Variants in ABR observed in about 807,000 individuals in gnomAD.
The protein encoded by ABR is ABR activator of RhoGEF and GTPase.
In ABR, 35 loss-of-function variants were observed where a neutral mutation model predicts 107.2. The observed-to-expected ratio is 0.33, with a 90% CI of 0.25 to 0.43. The LOEUF (loss-of-function observed/expected upper bound fraction) is 0.43, where lower values mean the gene tolerates loss of function less well. ABR is among the 20% of genes least tolerant of loss of function. ABR has a pLI of 1.00. For missense variants in ABR, 815 were observed against 1,115.2 expected (o/e 0.73, Z 3.83); for synonymous variants, 498 against 462.0 (o/e 1.08, Z -1.00).
intron 2 of ABR, among the ~76,000 whole-genome samples, chr17:1,115,596 G>A (rs2038946017): frequency 1.3e-5 from 2 of 152,216 alleles, no homozygotes; most frequent in African/African-American, 4.8e-5. Context: ...TCTAGTACAG[G>A]TCACTCCAAA....
chr17:1,103,960 G>A (rs2038079667), intron 2 of ABR, among the ~76,000 whole-genome samples: 1 of 152,112 alleles, frequency 6.6e-6, no homozygotes, highest in Admixed American at 6.6e-5. Flanking sequence ...TCTTTGCAGG[G>A]CGTCTCTTGT....
intron 1 of ABR, among the ~76,000 whole-genome samples, chr17:1,155,472 T>C (rs1054409347): frequency 1.3e-5 from 2 of 152,094 alleles, no homozygotes; most frequent in African/African-American, 4.8e-5. Flanking sequence ...TGGGGGTAGA[T>C]CTTCATGGTC....
upstream of ABR, among the ~76,000 whole-genome samples, chr17:1,183,141 C>T (rs113861699): frequency 0.025 from 3,775 of 152,244 alleles, 177 homozygotes; most frequent in African/African-American, 0.085. Context: ...GTCAGAGGAG[C>T]GGGGAGCTGT....
At chr17:1,019,128 T>G (rs2071427357) in intron 16 of ABR, among the ~76,000 whole-genome samples, 2 of 152,102 alleles carry the variant, frequency 1.3e-5, no homozygotes, top group Non-Finnish European at 2.9e-5. Flanking sequence ...AGTACAGCCC[T>G]CCCGCTGCCT....
intron 1 of ABR, among the ~76,000 whole-genome samples, chr17:1,156,956 G>A (rs1226226959): frequency 1.3e-5 from 2 of 152,196 alleles, no homozygotes; most frequent in African/African-American, 2.4e-5. Context: ...TGTGTCCAGG[G>A]ATACCAGCAA....
intron 2 of ABR, among the ~76,000 whole-genome samples, chr17:1,122,709 T>C (rs780345985): frequency 3.9e-5 from 6 of 152,328 alleles, no homozygotes; most frequent in Non-Finnish European, 5.9e-5. Flanking sequence ...CCTCTAAGCC[T>C]CCATAATCAC....
upstream of ABR, among the ~76,000 whole-genome samples, chr17:1,184,592 G>A (rs1040328808): frequency 3.0e-4 from 46 of 152,132 alleles, no homozygotes; most frequent in African/African-American, 9.4e-4. Flanking sequence ...GCTTTCTGCC[G>A]AGCGCCCAGC....
At chr17:1,128,242 C>T (rs1403386970) in intron 1 of ABR, among the ~76,000 whole-genome samples, 3 of 152,212 alleles carry the variant, frequency 2.0e-5, no homozygotes, top group East Asian at 1.9e-4. Flanking sequence ...AACCAATCCT[C>T]GGAGAAGGCA....
chr17:1,178,978 AG>A (rs2042018597), intron 1 of ABR, among the ~76,000 whole-genome samples: 1 of 140,494 alleles, frequency 7.1e-6, no homozygotes, highest in Admixed American at 7.1e-5. Context: ...TTTGGGAGCG[AG>A]GGGGTGGAGA....
intron 16 of ABR, among the ~76,000 whole-genome samples, chr17:1,033,441 C>T (rs2072954964): frequency 6.6e-6 from 1 of 152,216 alleles, no homozygotes. Context: ...GCTACGTGTC[C>T]AAGGCCAGGA....
intron 6 of ABR, among the ~76,000 whole-genome samples, chr17:1,075,353 T>C (rs1215860647): frequency 6.6e-6 from 1 of 152,242 alleles, no homozygotes; most frequent in Non-Finnish European, 1.5e-5. Flanking sequence ...GGGTGTCCCA[T>C]AAGACCAGGT....
In ABR at chr17:1,079,163, C is replaced by T. The variant is rs764266660; in HGVS notation, c.700+167G>A. 3.7e-5 allele frequency: 53 copies of T among 1,451,850 alleles called. No individual in the cohort carries two copies. In the East Asian group the frequency reaches 4.0e-4, roughly 11 times the overall value. 89.9% of individuals were successfully genotyped at this position (1,451,850 alleles called of 1,614,324 possible). A position where few individuals can be genotyped will look rare whatever the true frequency, so the allele number is the denominator to read the frequency against. ...CACGAGGCTAGAGTCCTCGCGTGCGCGCACACGCGCACTCAGCTCACACTC... is the reference window on the plus strand; with the variant it reads ...CACGAGGCTAGAGTCCTCGCGTGCGTGCACACGCGCACTCAGCTCACACTC... On this transcript the variant is annotated intron_variant, in intron 6 of 22. Transcript: ENST00000302538.
At chr17:1,152,548 G>A (rs2040842465) in intron 1 of ABR, among the ~76,000 whole-genome samples, 1 of 151,248 alleles carries the variant, frequency 6.6e-6, no homozygotes, top group African/African-American at 2.4e-5. Flanking sequence ...CCGAGATCGC[G>A]CCACTGCACT....
chr17:1,055,079 A>C (rs920059988), intron 14 of ABR, among the ~76,000 whole-genome samples: 3 of 152,170 alleles, frequency 2.0e-5, no homozygotes, highest in Admixed American at 2.0e-4. Context: ...GTAGATAAAA[A>C]GCGCAACCAG....
intron 1 of ABR, among the ~76,000 whole-genome samples, chr17:1,129,463 C>T (rs1164443971): frequency 6.6e-6 from 1 of 151,894 alleles, no homozygotes; most frequent in East Asian, 1.9e-4. Flanking sequence ...ACCCAGGAGG[C>T]GGGGCTTGCA....
rs1470587893 is a variant in ABR, at chr17:1,146,619, C to CA, written c.62-21253_62-21252insT. Among the ~76,000 whole-genome samples the CA allele has an allele frequency of 2.1e-3, 306 of 143,612 alleles. 1 individual carries two copies. Among genetic ancestry groups the CA allele is most frequent in the African/African-American group, 6.5e-3 (247 of 38,036 alleles). 94.2% of individuals were successfully genotyped at this position (143,612 alleles called of 152,430 possible). On this transcript the variant is annotated intron_variant, in intron 1 of 22. Transcript: ENST00000302538. ...ATGCCACCACTGCCACATGACACCA[C>CA]TGCCACCACTGCCACATGCCACCAC... is the stretch of plus-strand genomic sequence containing the variant.
chr17:1,068,619 G>A (rs1042332814), intron 9 of ABR, among the ~76,000 whole-genome samples: 1 of 152,232 alleles, frequency 6.6e-6, no homozygotes, highest in Non-Finnish European at 1.5e-5. Context: ...GTGAATGAAC[G>A]CAGAATGAGC....
At chr17:1,023,343 G>A (rs181976051) in intron 16 of ABR, among the ~76,000 whole-genome samples, 91 of 152,332 alleles carry the variant, frequency 6.0e-4, no homozygotes, top group African/African-American at 2.0e-3. Context: ...CTCCCCCAGC[G>A]GCCTAGGGCT....
At chr17:1,125,448 CG>C (rs1302672421) in intron 1 of ABR, 81 bp from the exon 2 acceptor site, 6 of 1,545,732 alleles carry the variant, frequency 3.9e-6, no homozygotes, top group Admixed American at 1.7e-5. Flanking sequence ...GCGCCGGCGG[CG>C]GCCCCCGGCA....
Sources: allele counts gnomAD v4.1 joint callset (sites outside exome capture counted in the v4.1 genomes callset), GRCh38; gene constraint gnomAD v4.1.1; transcripts MANE v1.5; gene names NCBI Gene and HGNC (gene_info 2026-07-23, HGNC 2026-07-21).